The following SLC35F4 variants were observed in gnomAD, a reference collection of about 807,000 sequenced individuals.
SLC35F4 encodes solute carrier family 35 member F4.
A neutral mutation model predicts 44.2 loss-of-function variants in SLC35F4; 24 were observed. The observed-to-expected ratio is 0.54, with a 90% CI of 0.39 to 0.76. The LOEUF is 0.76. Ranked by LOEUF, SLC35F4 falls within the 30% of genes least tolerant of loss-of-function variation. The probability of loss-of-function intolerance (pLI) is 0.00; values close to 1 mark genes in which losing one functional copy is unlikely to be tolerated. For missense variants in SLC35F4, 562 were observed against 586.1 expected, an observed-to-expected ratio of 0.96 and a Z score of 0.42; for synonymous variants, 238 against 223.6, an observed-to-expected ratio of 1.06 and a Z score of -0.57.
At chr14:57,830,644 G>C (rs924725632) in intron 1 of SLC35F4, among the ~76,000 whole-genome samples, 1 of 152,124 alleles carries the variant, frequency 6.6e-6, no homozygotes, top group Non-Finnish European at 1.5e-5. Flanking sequence ...GGTTCTGGAT[G>C]GCTCTGCTCA....
chr14:57,720,460 C>T (rs1242097296), intron 1 of SLC35F4, among the ~76,000 whole-genome samples: 1 of 152,036 alleles, frequency 6.6e-6, no homozygotes, highest in East Asian at 1.9e-4. Flanking sequence ...CCATTGGGTT[C>T]CAGGCTTTTC....
intron 1 of SLC35F4, among the ~76,000 whole-genome samples, chr14:57,787,588 G>C (rs1376032869): frequency 1.3e-5 from 2 of 152,120 alleles, no homozygotes; most frequent in Non-Finnish European, 2.9e-5. Context: ...AAGCTAGAAG[G>C]GATTGGGGCC....
At chr14:57,858,423 C>T (rs571633900) in intron 1 of SLC35F4, among the ~76,000 whole-genome samples, 143 of 151,872 alleles carry the variant, frequency 9.4e-4, no homozygotes, top group Admixed American at 3.5e-3. Flanking sequence ...AGCAAACTAT[C>T]GCAAGGACAA....
At chr14:57,641,410 GAGTT>G (rs1321758491) in intron 1 of SLC35F4, among the ~76,000 whole-genome samples, 2 of 151,894 alleles carry the variant, frequency 1.3e-5, no homozygotes, top group African/African-American at 2.4e-5. Context: ...TAAGATGAGA[GAGTT>G]AGACTGGATG....
At chr14:57,670,368 T>C (rs570495622) in intron 1 of SLC35F4, among the ~76,000 whole-genome samples, 1 of 152,244 alleles carries the variant, frequency 6.6e-6, no homozygotes, top group South Asian at 2.1e-4. Flanking sequence ...TCTTGCCTTC[T>C]GCTGGCTTGT....
chr14:57,574,154 G>T (rs1233229778), intron 4 of SLC35F4, among the ~76,000 whole-genome samples: 1 of 152,140 alleles, frequency 6.6e-6, no homozygotes, highest in African/African-American at 2.4e-5. Context: ...CCACAGGTAG[G>T]AACTCTTCCT....
intron 1 of SLC35F4, among the ~76,000 whole-genome samples, chr14:57,773,029 G>C (rs2077405409): frequency 6.6e-6 from 1 of 151,634 alleles, no homozygotes; most frequent in South Asian, 2.1e-4. Context: ...TGTTTTTTTT[G>C]ACATTTTAAT....
intron 1 of SLC35F4, among the ~76,000 whole-genome samples, chr14:57,651,449 G>A (rs768269049): frequency 6.6e-6 from 1 of 152,118 alleles, no homozygotes; most frequent in Non-Finnish European, 1.5e-5. Flanking sequence ...CTCTAGTGAT[G>A]TCTGATGTCA....
At position 57,632,205 on chromosome 14, in the gene SLC35F4, TA is replaced by T. The variant is rs1419747540; in HGVS notation, c.104-38082del. 5.3e-5 allele frequency among the ~76,000 whole-genome samples: 8 copies of T among 152,280 alleles called. No homozygotes were observed. The South Asian group carries it at 1.4e-3, about 28-fold the overall frequency. The stretch of plus-strand genomic sequence containing the variant: ...ACAACAAAAAGTCTATTTAAAACTG[TA>T]GCAGTAGTTTGCAGTTCTAGCAAAG... On this transcript the variant is annotated intron_variant, in intron 1 of 7. Coordinates refer to ENST00000556826, the MANE Select transcript of SLC35F4 (RefSeq NM_001306087.2).
At chr14:57,594,419 A>G (rs923704347) in intron 1 of SLC35F4, among the ~76,000 whole-genome samples, 2 of 152,078 alleles carry the variant, frequency 1.3e-5, no homozygotes, top group Non-Finnish European at 2.9e-5. Context: ...AGTAGATTTT[A>G]AAGGCCTGAA....
In SLC35F4 at chr14:57,589,270, T is replaced by A; in HGVS notation, c.533A>T (p.Tyr178Phe). ...NWNIMFFPVY[Y>F]SGHLATAQEK... ...TTGAGCAGTGGCTAGATGACCAGAA[T>A]AATAGACTGGGAAAAACATAATGTT... The change falls in exon 3 of 8, where the codon TAT (tyrosine) becomes TTT (phenylalanine). Residue 178 changes from tyrosine (Y) to phenylalanine (F), a missense_variant. Transcript: ENST00000556826. The A allele has an allele frequency of 6.2e-7, 1 of 1,613,898 alleles. No individual in the cohort carries two copies. Among genetic ancestry groups the A allele is most frequent in the African/African-American group, 1.3e-5 (1 of 75,040 alleles).
At position 57,660,795 on chromosome 14, in the gene SLC35F4, C is replaced by G. The variant is rs112918994; in HGVS notation, c.104-66671G>C. 9.0e-3 allele frequency among the ~76,000 whole-genome samples: 1,367 copies of G among 152,196 alleles called. 22 individuals are homozygous for G. Among genetic ancestry groups the G allele is most frequent in the African/African-American group, 0.03 (1,264 of 41,532 alleles). On this transcript the variant is annotated intron_variant, in intron 1 of 7. Transcript: ENST00000556826. The stretch of plus-strand genomic sequence containing the variant: ...ATGAGTGGGTCTGAAAGCAGATCCT[C>G]CAGTCTAGTCAAGCCTTCAAACATT...
chr14:57,762,977 C>A (rs2077158741), intron 1 of SLC35F4, among the ~76,000 whole-genome samples: 1 of 152,052 alleles, frequency 6.6e-6, no homozygotes, highest in Admixed American at 6.6e-5. Context: ...GAAAAGAGAG[C>A]CCCAACACTG....
chr14:57,974,220 G>T (rs1251914879), downstream of SLC35F4, among the ~76,000 whole-genome samples: 1 of 152,026 alleles, frequency 6.6e-6, no homozygotes, highest in Non-Finnish European at 1.5e-5. Flanking sequence ...GCCCAGCTGC[G>T]ACTGTCAAGT....
intron 7 of SLC35F4, 27 bp from the exon 8 acceptor site, chr14:57,564,403 T>C (rs2139647571): frequency 6.3e-7 from 1 of 1,584,786 alleles, no homozygotes; most frequent in East Asian, 2.3e-5. Context: ...AAGTCAGTCA[T>C]TTCCTATGCC....
intron 1 of SLC35F4, among the ~76,000 whole-genome samples, chr14:57,880,096 GGAAGGA>G (rs1208837558): frequency 4.7e-5 from 5 of 106,044 alleles, no homozygotes; most frequent in Non-Finnish European, 1.0e-4. Flanking sequence ...AAGGAAGGAA[GGAAGGA>G]AGGAAGGACA....
chr14:57,776,665 C>CAAAAAAAAA (rs57272978), intron 1 of SLC35F4, among the ~76,000 whole-genome samples: 41 of 72,066 alleles, frequency 5.7e-4, no homozygotes, highest in African/African-American at 1.8e-3. Flanking sequence ...GACTCCATCT[C>CAAAAAAAAA]AAAAAAAAAA....
At chr14:57,977,542 G>A (rs1220979105) in intron 1 of SLC35F4, among the ~76,000 whole-genome samples, 1 of 152,204 alleles carries the variant, frequency 6.6e-6, no homozygotes, top group African/African-American at 2.4e-5. Flanking sequence ...TCACCTGAGT[G>A]CAGCTGTAAT....
intron 1 of SLC35F4, among the ~76,000 whole-genome samples, chr14:57,864,740 T>C (rs914017157): frequency 3.0e-4 from 46 of 152,166 alleles, no homozygotes; most frequent in African/African-American, 1.1e-3. Flanking sequence ...TTAAGCTTCA[T>C]CTGTTGCAAC....
Sources: gnomAD v4.1 joint callset for allele counts (sites outside exome capture counted in the v4.1 genomes callset) on GRCh38, gnomAD v4.1.1 for gene constraint, MANE v1.5 for transcripts, NCBI Gene and HGNC (gene_info 2026-07-23, HGNC 2026-07-21) for gene names.